Variants in CHD9 observed in about 807,000 individuals in gnomAD.
CHD9 encodes ATP-dependent chromatin remodeler CHD9.
In CHD9, 77 loss-of-function variants were observed where a neutral mutation model predicts 316.1. That is an observed-to-expected ratio of 0.24 (90% CI 0.20 to 0.29). The LOEUF (loss-of-function observed/expected upper bound fraction) is 0.29, where lower values mean the gene tolerates loss of function less well. Among genes scored for constraint, CHD9 ranks in the 10% least tolerant of loss-of-function variants. CHD9 has a pLI of 1.00. For synonymous variants in CHD9, 1,129 were observed against 1,158.3 expected (o/e 0.97, Z 0.51); for missense variants, 2,763 against 3,438.1 (o/e 0.80, Z 4.91).
chr16:53,135,619 GA>G (rs2039657460), intron 1 of CHD9, among the ~76,000 whole-genome samples: 1 of 151,502 alleles, frequency 6.6e-6, no homozygotes, highest in South Asian at 2.1e-4. Flanking sequence ...GAAGATGAGG[GA>G]AAGGAAAGAT....
chr16:53,244,833 C>G (rs919130503), intron 13 of CHD9, among the ~76,000 whole-genome samples: 3 of 152,080 alleles, frequency 2.0e-5, no homozygotes, highest in African/African-American at 2.4e-5. Context: ...TGAGTTAACT[C>G]TTGAAAATTA....
intron 10 of CHD9, among the ~76,000 whole-genome samples, chr16:53,233,968 T>C (rs1231500546): frequency 6.6e-6 from 1 of 152,178 alleles, no homozygotes; most frequent in Non-Finnish European, 1.5e-5. Flanking sequence ...GATAATGTTA[T>C]TTGAATTCTC....
intron 18 of CHD9, 123 bp from the exon 19 acceptor site, chr16:53,255,477 C>T (rs1286011730): frequency 1.3e-5 from 9 of 717,884 alleles, no homozygotes; most frequent in South Asian, 5.9e-5. Flanking sequence ...CTCTCTTATG[C>T]GCATCCCAAA....
chr16:53,304,032 C>G lies in CHD9; in HGVS notation c.6026C>G (p.Ser2009Ter). The G allele has an allele frequency of 6.2e-7, 1 of 1,614,028 alleles. No individual in the cohort carries two copies. The highest frequency in any genetic ancestry group is 8.5e-7 in the Non-Finnish European group (1 of 1,179,886). ...RNYSQSKMAH[S>*]RTSTPLLQQY... is the part of the protein sequence containing the mutation. Reference sequence around the variant, plus strand: ...TACAGTCAAAGTAAGATGGCTCATTCAAGGACTTCTACCCCACTTCTACAG... The same window carrying G: ...TACAGTCAAAGTAAGATGGCTCATTGAAGGACTTCTACCCCACTTCTACAG... Residue 2009 changes from serine to a stop codon, truncating the protein, a stop_gained, in exon 31 of 39, where the codon TCA (serine) becomes TGA (stop). Transcript: ENST00000447540. LOFTEE classifies it high-confidence loss of function.
intron 1 of CHD9, among the ~76,000 whole-genome samples, chr16:53,150,215 AT>A (rs4002248): frequency 1.2e-3 from 169 of 140,712 alleles, no homozygotes; most frequent in African/African-American, 1.5e-3. Context: ...TTATATTTAG[AT>A]TTTTTTTTTT....
chr16:53,148,789 T>G (rs1396796618), intron 1 of CHD9, among the ~76,000 whole-genome samples: 5 of 152,236 alleles, frequency 3.3e-5, no homozygotes, highest in African/African-American at 1.2e-4. Flanking sequence ...TTCTGTTGGT[T>G]GCCTTTTTAT....
intron 1 of CHD9, among the ~76,000 whole-genome samples, chr16:53,102,979 G>A (rs574238550): frequency 9.9e-5 from 15 of 151,974 alleles, no homozygotes; most frequent in African/African-American, 3.4e-4. Flanking sequence ...CTGAGTAGCT[G>A]GGACTACAGG....
At chr16:53,183,512 C>T (rs573543619) in intron 2 of CHD9, among the ~76,000 whole-genome samples, 77 of 152,110 alleles carry the variant, frequency 5.1e-4, no homozygotes, top group African/African-American at 1.7e-3. Context: ...CATTTATTCC[C>T]GTTTAATGAG....
intron 1 of CHD9, among the ~76,000 whole-genome samples, chr16:53,137,730 A>G (rs1203312239): frequency 1.3e-5 from 2 of 152,230 alleles, no homozygotes; most frequent in Admixed American, 6.5e-5. Context: ...TTTTGGTTCA[A>G]AAATGAGTAC....
chr16:53,321,112 A>G (rs1283900778), intron 37 of CHD9: 2 of 635,204 alleles, frequency 3.1e-6, no homozygotes, highest in African/African-American at 3.8e-5. Context: ...GTCTCATTTT[A>G]TCTTTATAAA....
chr16:53,282,725 T>C (rs556735402), intron 24 of CHD9, among the ~76,000 whole-genome samples: 121 of 152,356 alleles, frequency 7.9e-4, no homozygotes, highest in Admixed American at 7.8e-3. Context: ...TTCGCTGATA[T>C]TCTTGCTGCC....
At chr16:53,198,413 G>A (rs1002941871) in intron 2 of CHD9, among the ~76,000 whole-genome samples, 16 of 144,492 alleles carry the variant, frequency 1.1e-4, no homozygotes, top group African/African-American at 3.1e-4. Context: ...TGCAACCTCC[G>A]CCTCCCGGGT....
At chr16:53,272,553 A>C (rs949189771) in intron 22 of CHD9, among the ~76,000 whole-genome samples, 5 of 152,158 alleles carry the variant, frequency 3.3e-5, no homozygotes, top group Non-Finnish European at 7.4e-5. Flanking sequence ...AATTCATGGA[A>C]GATTAATAAA....
intron 33 of CHD9, 126 bp from the exon 34 acceptor site, chr16:53,308,560 A>G: frequency 1.5e-6 from 1 of 665,304 alleles, no homozygotes; most frequent in Non-Finnish European, 2.6e-6. Flanking sequence ...TGAATGAGAA[A>G]TGAACTTCTT....
At chr16:53,228,588 C>T (rs796285238) in intron 7 of CHD9, among the ~76,000 whole-genome samples, 8 of 144,390 alleles carry the variant, frequency 5.5e-5, no homozygotes, top group African/African-American at 1.8e-4. Flanking sequence ...TCGCCCAGGC[C>T]GGACTGCGGA....
At chr16:53,277,702 A>G (rs371047074) in intron 24 of CHD9, among the ~76,000 whole-genome samples, 79 of 152,318 alleles carry the variant, frequency 5.2e-4, no homozygotes, top group African/African-American at 1.8e-3. Context: ...AACTGGAACT[A>G]GAAAAGGATG....
At chr16:53,145,849 G>A (rs1442891075) in intron 1 of CHD9, among the ~76,000 whole-genome samples, 1 of 151,916 alleles carries the variant, frequency 6.6e-6, no homozygotes, top group Non-Finnish European at 1.5e-5. Flanking sequence ...ATCGTACGTG[G>A]GCCATAATAT....
chr16:53,167,078 C>A (rs1458921114), intron 2 of CHD9, among the ~76,000 whole-genome samples: 8 of 152,232 alleles, frequency 5.3e-5, no homozygotes, highest in Non-Finnish European at 7.4e-5. Flanking sequence ...GAAGTGACAG[C>A]AGTACCCACA....
In CHD9 at chr16:53,245,951, C is replaced by T. The variant is rs2049547513; in HGVS notation, c.3454+101C>T. The T allele has an allele frequency of 1.3e-6, 1 of 783,406 alleles. No individual in the cohort carries two copies. The highest frequency in any genetic ancestry group is 1.8e-5 in the African/African-American group (1 of 55,948). 48.5% of individuals were successfully genotyped at this position (783,406 alleles called of 1,614,324 possible). A position where few individuals can be genotyped will look rare whatever the true frequency, so the allele number is the denominator to read the frequency against. ...CAGCTGTAGTGGCTGTTATGACTCT[C>T]CACTGTGATATTCTAAGGAATTACA... On this transcript the variant is annotated intron_variant, in intron 15 of 38. Transcript: ENST00000447540. The surrounding 1 kb of genome is among the most constrained non-coding windows in gnomAD (Gnocchi z 4.1).
Sources: gnomAD v4.1 joint callset for allele counts (sites outside exome capture counted in the v4.1 genomes callset) on GRCh38, gnomAD v4.1.1 for gene constraint, Gnocchi (gnomAD v3.1) non-coding constraint, MANE v1.5 for transcripts, NCBI Gene and HGNC (gene_info 2026-07-23, HGNC 2026-07-21) for gene names.